The following ASAP3 variants were observed in gnomAD, a reference collection of about 807,000 sequenced individuals.
The protein encoded by ASAP3 is arf-GAP with SH3 domain, ANK repeat and PH domain-containing protein 3.
A neutral mutation model predicts 118.2 loss-of-function variants in ASAP3; 85 were observed. The observed-to-expected ratio is 0.72, with a 90% CI of 0.60 to 0.86. The LOEUF is 0.86. Ranked by LOEUF, ASAP3 falls within the 40% of genes least tolerant of loss-of-function variation. The pLI is 0.00. For synonymous variants in ASAP3, 432 were observed against 477.4 expected, an observed-to-expected ratio of 0.90 and a Z score of 1.24; for missense variants, 1,026 against 1,175.0, an observed-to-expected ratio of 0.87 and a Z score of 1.85.
At chr1:23,477,599 A>G (rs995977553) in intron 1 of ASAP3, among the ~76,000 whole-genome samples, 2 of 152,092 alleles carry the variant, frequency 1.3e-5, no homozygotes, top group African/African-American at 4.8e-5. Flanking sequence ...TGTGGACAAG[A>G]TTCCCTGAAG....
chr1:23,452,105 G>A (rs1022769040), intron 4 of ASAP3, among the ~76,000 whole-genome samples: 6 of 152,136 alleles, frequency 3.9e-5, no homozygotes, highest in Admixed American at 6.5e-5. Context: ...GAACAACCCC[G>A]AGACTCCCAA....
At chr1:23,444,916 C>A (rs186724519) in intron 5 of ASAP3, among the ~76,000 whole-genome samples, 4 of 151,236 alleles carry the variant, frequency 2.6e-5, no homozygotes, top group South Asian at 2.1e-4. Context: ...AGCATCCCCC[C>A]AGCTGTGACA....
rs4649088 is a variant in ASAP3 at position 23,435,518 on chromosome 1, G to A, written c.1749+333C>T. ...TTAGGTGAAAGAAAAAGATATTAAC[G>A]TTTATTGCATGCCCATTGTACACTA... is the stretch of plus-strand genomic sequence containing the variant. On this transcript the variant is annotated intron_variant, in intron 17 of 24. Coordinates refer to ENST00000336689, the MANE Select transcript of ASAP3 (RefSeq NM_017707.4). 0.019 allele frequency among the ~76,000 whole-genome samples: 2,898 copies of A among 152,304 alleles called. 246 individuals are homozygous for A. In the East Asian group the frequency reaches 0.21, roughly 11 times the overall value.
intron 1 of ASAP3, among the ~76,000 whole-genome samples, chr1:23,473,464 C>T (rs886985750): frequency 2.0e-5 from 3 of 152,204 alleles, no homozygotes; most frequent in Non-Finnish European, 4.4e-5. Context: ...CTCACTGTTC[C>T]CCTGTGGGTC....
intron 19 of ASAP3, 118 bp downstream of exon 19, chr1:23,434,136 C>A (rs949791904): frequency 2.1e-6 from 2 of 944,734 alleles, no homozygotes; most frequent in African/African-American, 1.6e-5. Flanking sequence ...GAATGACAAA[C>A]CCCTAAGATC....
chr1:23,464,654 T>C (rs1250672214), intron 1 of ASAP3, among the ~76,000 whole-genome samples: 1 of 82,494 alleles, frequency 1.2e-5, no homozygotes, highest in Admixed American at 2.0e-4. Context: ...AATGAGACAC[T>C]GTCTTAAAAA....
chr1:23,430,787 A>C (rs1640399580), intron 24 of ASAP3, among the ~76,000 whole-genome samples: 1 of 152,148 alleles, frequency 6.6e-6, no homozygotes, highest in Admixed American at 6.5e-5. Context: ...GGGACTGGCC[A>C]AACTGCAGCC....
At chr1:23,455,336 G>A (rs1445328992) in intron 3 of ASAP3, among the ~76,000 whole-genome samples, 1 of 152,238 alleles carries the variant, frequency 6.6e-6, no homozygotes, top group Non-Finnish European at 1.5e-5. Flanking sequence ...TGAAGGACCA[G>A]AGAGGAGGCA....
Position 23,480,405 on chromosome 1 carries a change from T to C in ASAP3, c.129+3600A>G, listed in dbSNP as rs75559675. On this transcript the variant is annotated intron_variant, in intron 1 of 24. Coordinates refer to ENST00000336689, the MANE Select transcript of ASAP3 (RefSeq NM_017707.4). ...TGCTCTCTTCCCACCAGTCTCTGAATTCACTCCCTTGTCCTCTCCGATAAA... is the reference window on the plus strand; with the variant it reads ...TGCTCTCTTCCCACCAGTCTCTGAACTCACTCCCTTGTCCTCTCCGATAAA... 6.1e-3 allele frequency among the ~76,000 whole-genome samples: 930 copies of C among 152,244 alleles called. 19 individuals carry two copies. The highest frequency in any genetic ancestry group is 0.059 in the East Asian group (307 of 5,176).
chr1:23,474,829 T>C (rs190778134), intron 1 of ASAP3, among the ~76,000 whole-genome samples: 34 of 152,246 alleles, frequency 2.2e-4, no homozygotes, highest in Middle Eastern at 6.8e-3. Flanking sequence ...GTGGTCCCCC[T>C]GCCTCAGCCT....
chr1:23,435,684 C>T (rs1308080818), intron 17 of ASAP3, 167 bp downstream of exon 17: 2 of 790,488 alleles, frequency 2.5e-6, no homozygotes, highest in African/African-American at 1.7e-5. Context: ...GATTCCCACC[C>T]AGGTCTGCCT....
intron 1 of ASAP3, among the ~76,000 whole-genome samples, chr1:23,462,603 C>CA (rs539050074): frequency 1.3e-5 from 2 of 151,764 alleles, no homozygotes; most frequent in African/African-American, 4.8e-5. Context: ...ACTAAAAATA[C>CA]AAAAAATTAG....
chr1:23,437,036 A>C lies in ASAP3; in HGVS notation c.1351T>G (p.Trp451Gly). ...CCDCGAADPTWLSTNLGVLTC... is the reference protein window; with the variant it reads ...CCDCGAADPTGLSTNLGVLTC... The stretch of plus-strand genomic sequence containing the variant: ...AGCACGCCCAGGTTGGTGCTGAGCC[A>C]CGTGGGGTCTGCAGAGGAAAGCAGC... Residue 451 changes from tryptophan to glycine, a missense_variant, in exon 15 of 25, where the codon TGG becomes GGG. By Grantham distance (184) the Trp-to-Gly change is radical (BLOSUM62 -2). Coordinates refer to ENST00000336689, the MANE Select transcript of ASAP3 (RefSeq NM_017707.4). This position sits in a 1 kb window ranked among gnomAD's most constrained non-coding sequence, Gnocchi z 6.1. 6.2e-7 allele frequency: 1 copy of C among 1,611,054 alleles called. No homozygotes were observed. The highest frequency in any genetic ancestry group is 8.5e-7 in the Non-Finnish European group (1 of 1,179,122).
chr1:23,453,588 C>G (rs866975500), intron 3 of ASAP3, among the ~76,000 whole-genome samples: 1 of 152,104 alleles, frequency 6.6e-6, no homozygotes, highest in African/African-American at 2.4e-5. Context: ...CTAATGAATT[C>G]CCTTTTAAAA....
At position 23,456,108 on chromosome 1, in the gene ASAP3, G is replaced by A; in HGVS notation, c.202+14C>T. 1 of 1,614,122 alleles carries A rather than the reference G, an allele frequency of 6.2e-7. No homozygotes were observed. The highest frequency in any genetic ancestry group is 1.1e-5 in the South Asian group (1 of 91,074). On this transcript the variant is annotated intron_variant, in intron 2 of 24. Coordinates refer to ENST00000336689, the MANE Select transcript of ASAP3 (RefSeq NM_017707.4). ...GCTTCCTGACCAGGCGGGGCACCCA[G>A]GAGGCTCACTTACCAAGGCCGGAGC...
At chr1:23,470,209 T>C (rs1641916367) in intron 1 of ASAP3, among the ~76,000 whole-genome samples, 1 of 152,098 alleles carries the variant, frequency 6.6e-6, no homozygotes, top group Admixed American at 6.5e-5. Flanking sequence ...TAAATCCCCT[T>C]CCAGGCCAAA....
chr1:23,442,087 C>A, intron 7 of ASAP3, 99 bp downstream of exon 7: 1 of 1,278,682 alleles, frequency 7.8e-7, no homozygotes, highest in Non-Finnish European at 1.1e-6. Context: ...CAAAAAGATG[C>A]AGGCCTCCAA....
Position 23,456,124 on chromosome 1 carries a change from A to C in ASAP3, c.200T>G (p.Leu67Arg). Residue 67 changes from leucine to arginine, a missense_variant and splice_region_variant, in exon 2 of 25, where the codon CTT becomes CGT. Physicochemically the swap from Leu to Arg is moderately radical, Grantham distance 102. Transcript: ENST00000336689. Reference protein sequence around the residue: ...KAVRAIHSSGLGHVENEEQYR... With the variant: ...KAVRAIHSSGRGHVENEEQYR... The stretch of plus-strand genomic sequence containing the variant: ...GGGCACCCAGGAGGCTCACTTACCA[A>C]GGCCGGAGCTATGGATTGCCCGCAC... The C allele has an allele frequency of 1.2e-6, 2 of 1,614,156 alleles. No homozygotes were observed. Among genetic ancestry groups the C allele is most frequent in the Non-Finnish European group, 1.7e-6 (2 of 1,180,036 alleles).
chr1:23,475,532 A>G (rs537444386), intron 1 of ASAP3, among the ~76,000 whole-genome samples: 1 of 152,228 alleles, frequency 6.6e-6, no homozygotes, highest in Non-Finnish European at 1.5e-5. Context: ...AGTGATTCTG[A>G]CACAGATGCA....
Sources: gnomAD v4.1 joint callset for allele counts (sites outside exome capture counted in the v4.1 genomes callset) on GRCh38, gnomAD v4.1.1 for gene constraint, Gnocchi (gnomAD v3.1) non-coding constraint, MANE v1.5 for transcripts, NCBI Gene and HGNC (gene_info 2026-07-23, HGNC 2026-07-21) for gene names.